PMPCB: variants seen among roughly 807,000 people sequenced by gnomAD.
The protein encoded by PMPCB is peptidase, mitochondrial processing subunit beta.
In PMPCB, 46 loss-of-function variants were observed where a neutral mutation model predicts 61.5. That is an observed-to-expected ratio of 0.75 (90% CI 0.59 to 0.96). The LOEUF is 0.96. PMPCB is among the 40% of genes least tolerant of loss of function. PMPCB has a pLI of 0.00. For missense variants in PMPCB, 590 were observed against 602.4 expected (o/e 0.98, Z 0.22); for synonymous variants, 191 against 201.6 (o/e 0.95, Z 0.44).
At chr7:103,322,883 A>C (rs765616610) in intron 12 of PMPCB, 32 of 1,029,112 alleles carry the variant, frequency 3.1e-5, no homozygotes, top group Non-Finnish European at 4.4e-5. Context: ...TTATATGTAC[A>C]TAACATCCTA....
downstream of PMPCB, chr7:103,316,918 C>T: frequency 6.2e-7 from 1 of 1,614,006 alleles, no homozygotes; most frequent in Non-Finnish European, 8.5e-7. Flanking sequence ...CCATTTCCAC[C>T]TCCACCAGTT....
chr7:103,308,405 TGAGGTTAG>T (rs1817646151), intron 7 of PMPCB, among the ~76,000 whole-genome samples: 1 of 152,158 alleles, frequency 6.6e-6, no homozygotes, highest in East Asian at 1.9e-4. Flanking sequence ...GTGTGTCACT[TGAGGTTAG>T]GAGTTTGAGA....
In PMPCB at chr7:103,313,092, G is replaced by A; in HGVS notation, c.*821G>A. 1 of 1,609,654 alleles carries A rather than the reference G, an allele frequency of 6.2e-7. No individual in the cohort carries two copies. The highest frequency in any genetic ancestry group is 1.3e-5 in the African/African-American group (1 of 74,568). ...TTCTGTTGTCCAAGGGGTGAAGTCT[G>A]TATATGGACCTGATTAAGAAAAATT... On this transcript the variant is annotated 3_prime_UTR_variant, in exon 13 of 13. Coordinates refer to ENST00000249269, the MANE Select transcript of PMPCB (RefSeq NM_004279.3).
intron 12 of PMPCB, chr7:103,322,042 C>T (rs755104279): frequency 6.2e-7 from 1 of 1,613,572 alleles, no homozygotes; most frequent in Non-Finnish European, 8.5e-7. Context: ...TCTTCTTTCT[C>T]CTTAGCTAAC....
At chr7:103,316,795 T>C (rs752812943), downstream of PMPCB, 76 of 1,567,112 alleles carry the variant, frequency 4.8e-5, no homozygotes, top group Non-Finnish European at 6.0e-5. Flanking sequence ...CAGGCTCCAG[T>C]GTGAGTTGAA....
chr7:103,347,540 C>G, the PMPCB span: 1 of 649,860 alleles, frequency 1.5e-6, no homozygotes, highest in Non-Finnish European at 2.7e-6. Context: ...AGTCCAAAAA[C>G]CAGCGTGCCA....
chr7:103,316,417 G>T, downstream of PMPCB: 1 of 221,364 alleles, frequency 4.5e-6, no homozygotes. Context: ...AAACAGCCTC[G>T]GTTTCATCTA....
At chr7:103,316,149 A>G, downstream of PMPCB, 1 of 1,079,544 alleles carries the variant, frequency 9.3e-7, no homozygotes, top group Non-Finnish European at 1.3e-6. Context: ...ATGAAACGAC[A>G]AAAACCATTA....
At position 103,298,815 on chromosome 7, in the gene PMPCB, A is replaced by G. The variant is rs1817367612; in HGVS notation, c.240+107A>G. On this transcript the variant is annotated intron_variant, in intron 2 of 12. Transcript: ENST00000249269. ...TGGCTGGTGGTTCAAAAAGGGTGACAGTTATTTTGCCTTGACAGATTTCCA... is the reference window on the plus strand; with the variant it reads ...TGGCTGGTGGTTCAAAAAGGGTGACGGTTATTTTGCCTTGACAGATTTCCA... 21 of 1,055,978 alleles carry G rather than the reference A, an allele frequency of 2.0e-5. No individual in the cohort carries two copies. The South Asian group carries it at 3.0e-4, about 15-fold the overall frequency. 65.4% of individuals were successfully genotyped at this position (1,055,978 alleles called of 1,614,324 possible). A position where few individuals can be genotyped will look rare whatever the true frequency, so the allele number is the denominator to read the frequency against.
chr7:103,299,211 G>A (rs886389241), intron 2 of PMPCB, among the ~76,000 whole-genome samples: 4 of 152,146 alleles, frequency 2.6e-5, no homozygotes, highest in Non-Finnish European at 4.4e-5. Flanking sequence ...TTAATGAGTT[G>A]GGCAAAGAAT....
At position 103,300,290 on chromosome 7, in the gene PMPCB, C is replaced by G; in HGVS notation, c.440C>G (p.Ser147Cys). The G allele has an allele frequency of 6.2e-7, 1 of 1,605,612 alleles. No individual in the cohort carries two copies. The highest frequency in any genetic ancestry group is 1.3e-5 in the African/African-American group (1 of 74,770). ...EQTVYYAKAF[S>C]KDLPRAVEIL... is the part of the protein sequence containing the mutation. ...ACTGTATACTATGCCAAAGCATTCT[C>G]TAAAGACTTGCCAAGAGGTACTGTT... Residue 147 changes from serine to cysteine, a missense_variant, in exon 4 of 13, where the codon TCT becomes TGT. Transcript: ENST00000249269.
At chr7:103,303,293 T>A (rs1041791142) in intron 4 of PMPCB, among the ~76,000 whole-genome samples, 40 of 152,216 alleles carry the variant, frequency 2.6e-4, no homozygotes, top group African/African-American at 8.9e-4. Context: ...ATTTTTGTAT[T>A]TTTTGTAGAG....
At chr7:103,297,994 C>T in intron 1 of PMPCB, 2 of 1,108,964 alleles carry the variant, frequency 1.8e-6, no homozygotes, top group South Asian at 1.6e-5. Flanking sequence ...CATGAGAGAG[C>T]CTCTGACTTT....
the PMPCB span, chr7:103,336,769 T>TGCCA: frequency 3.8e-3 from 573 of 152,366 alleles, 4 homozygotes; most frequent in African/African-American, 0.014. Flanking sequence ...TCTAGACTCA[T>TGCCA]GCCAGCCTTT....
At chr7:103,339,360 C>T in the PMPCB span, among the ~76,000 whole-genome samples, 15 of 152,138 alleles carry the variant, frequency 9.9e-5, no homozygotes, top group African/African-American at 3.6e-4. Context: ...TACCAAAGAC[C>T]TTCTCCCTCT....
chr7:103,308,921 A>C (rs141127267), intron 7 of PMPCB, 31 bp from the exon 8 acceptor site: 3 of 1,518,508 alleles, frequency 2.0e-6, no homozygotes, highest in South Asian at 2.6e-5. Flanking sequence ...GTTAATCTTA[A>C]CTAGAGGTCC....
At chr7:103,311,083 A>C (rs1817733940) in intron 9 of PMPCB, 1 of 152,406 alleles carries the variant, frequency 6.6e-6, no homozygotes, top group African/African-American at 2.4e-5. Context: ...CTCTGAAAGT[A>C]ATCTGGTTGA....
At chr7:103,310,183 A>G in intron 8 of PMPCB, 132 bp from the exon 9 acceptor site, 1 of 661,692 alleles carries the variant, frequency 1.5e-6, no homozygotes, top group Non-Finnish European at 2.6e-6. Context: ...TTTTAACTCT[A>G]CTACTGAGAT....
At chr7:103,319,819 T>G in intron 12 of PMPCB, 1 of 1,614,166 alleles carries the variant, frequency 6.2e-7, no homozygotes, top group Non-Finnish European at 8.5e-7. Flanking sequence ...CCGCTCTGCC[T>G]CATTATCAGA....
Sources: gnomAD v4.1 joint callset for allele counts (sites outside exome capture counted in the v4.1 genomes callset) on GRCh38, gnomAD v4.1.1 for gene constraint, MANE v1.5 for transcripts, NCBI Gene and HGNC (gene_info 2026-07-23, HGNC 2026-07-21) for gene names.